The following ULK4 variants were observed in gnomAD, a reference collection of about 807,000 sequenced individuals.
ULK4 encodes the protein inactive serine/threonine-protein kinase ULK4.
A neutral mutation model predicts 160.6 loss-of-function variants in ULK4; 133 were observed. The ratio of observed to expected loss-of-function variants is 0.83; its 90% CI spans 0.72 to 0.96. ULK4 has a LOEUF of 0.96. ULK4 is among the 40% of genes least tolerant of loss of function. The pLI is 0.00. For missense variants in ULK4, 1,580 were observed against 1,499.5 expected (o/e 1.05, Z -0.89); for synonymous variants, 534 against 539.8 (o/e 0.99, Z 0.15).
chr3:41,748,546 C>A (rs1388355075), intron 22 of ULK4, among the ~76,000 whole-genome samples: 2 of 151,912 alleles, frequency 1.3e-5, no homozygotes, highest in African/African-American at 4.8e-5. Context: ...TTTTAAAGAC[C>A]ACTTCATTTT....
At chr3:41,850,184 G>A (rs2042174938) in intron 17 of ULK4, among the ~76,000 whole-genome samples, 1 of 152,118 alleles carries the variant, frequency 6.6e-6, no homozygotes. Context: ...GTGTATATGT[G>A]CCACATTTTC....
rs1009909980 is a variant in ULK4, at chr3:41,256,852, T to G, written c.3679-7278A>C. On this transcript the variant is annotated intron_variant, in intron 35 of 36. Transcript: ENST00000301831. ...AGGACTTATATCAAGAACATAAAAG[T>G]AACTCTTTAAAAATATTATTTTTAG... is the stretch of plus-strand genomic sequence containing the variant. Among the ~76,000 whole-genome samples, 8 of 152,304 alleles carry G rather than the reference T, an allele frequency of 5.3e-5. No individual in the cohort carries two copies. The East Asian group carries it at 1.5e-3, about 29-fold the overall frequency.
At chr3:41,883,171 G>A (rs1697585788) in intron 17 of ULK4, among the ~76,000 whole-genome samples, 1 of 152,158 alleles carries the variant, frequency 6.6e-6, no homozygotes, top group South Asian at 2.1e-4. Context: ...GCAGTGAACA[G>A]CACAGAGAGA....
intron 35 of ULK4, among the ~76,000 whole-genome samples, chr3:41,311,008 T>TA (rs1438519700): frequency 6.7e-6 from 1 of 149,954 alleles, no homozygotes; most frequent in African/African-American, 2.5e-5. Context: ...AAAATAATAA[T>TA]AATAAATAAA....
intron 34 of ULK4, among the ~76,000 whole-genome samples, chr3:41,436,078 C>T (rs1277110118): frequency 1.3e-5 from 2 of 152,178 alleles, no homozygotes; most frequent in Non-Finnish European, 2.9e-5. Flanking sequence ...AGAAACAGTA[C>T]TTTGGGTACC....
At chr3:41,361,666 T>C (rs942712162) in intron 35 of ULK4, among the ~76,000 whole-genome samples, 3 of 152,198 alleles carry the variant, frequency 2.0e-5, no homozygotes, top group Non-Finnish European at 4.4e-5. Context: ...AGCATTTTAT[T>C]GGGTGGTGGT....
In ULK4 at chr3:41,490,812, G is replaced by C. The variant is rs189776511; in HGVS notation, c.3227-27559C>G. Reference sequence around the variant, plus strand: ...CAAGTAAATTAACTGGGATAAGAGAGACTATAAGATAACACTACTGGTGCT... The same window carrying C: ...CAAGTAAATTAACTGGGATAAGAGACACTATAAGATAACACTACTGGTGCT... On this transcript the variant is annotated intron_variant, in intron 32 of 36. Coordinates refer to ENST00000301831, the MANE Select transcript of ULK4 (RefSeq NM_017886.4). Among the ~76,000 whole-genome samples, 94 of 152,278 alleles carry C rather than the reference G, an allele frequency of 6.2e-4. 1 individual carries two copies. The highest frequency in any genetic ancestry group is 3.4e-3 in the Middle Eastern group (1 of 294).
intron 21 of ULK4, among the ~76,000 whole-genome samples, chr3:41,757,152 G>A (rs1367631020): frequency 6.6e-6 from 1 of 152,044 alleles, no homozygotes; most frequent in African/African-American, 2.4e-5. Context: ...AACTAAGAAA[G>A]TAAGAGTCCT....
At chr3:41,703,462 C>G (rs1352911103) in intron 27 of ULK4, among the ~76,000 whole-genome samples, 1 of 151,646 alleles carries the variant, frequency 6.6e-6, no homozygotes, top group Admixed American at 6.6e-5. Context: ...AATATTTTAA[C>G]CAGAAGATTA....
intron 32 of ULK4, among the ~76,000 whole-genome samples, chr3:41,558,448 T>C (rs1467387138): frequency 6.6e-6 from 1 of 152,108 alleles, no homozygotes; most frequent in East Asian, 1.9e-4. Flanking sequence ...CTCATGCCTG[T>C]AGTCCCAGCA....
chr3:41,530,492 C>A (rs1467741112), intron 32 of ULK4, among the ~76,000 whole-genome samples: 1 of 152,106 alleles, frequency 6.6e-6, no homozygotes, highest in Non-Finnish European at 1.5e-5. Context: ...CATCTAGAAC[C>A]AAACAGAACT....
chr3:41,378,055 T>G (rs2125791170), intron 35 of ULK4, among the ~76,000 whole-genome samples: 1 of 151,786 alleles, frequency 6.6e-6, no homozygotes, highest in African/African-American at 2.4e-5. Flanking sequence ...TAAAAAAGGA[T>G]GAGTTCATGT....
chr3:41,734,986 G>A (rs570352125), intron 22 of ULK4, among the ~76,000 whole-genome samples: 4 of 152,268 alleles, frequency 2.6e-5, no homozygotes, highest in South Asian at 2.1e-4. Flanking sequence ...CTGATGGGAC[G>A]ACATGAGGTT....
At position 41,918,552 on chromosome 3, in the gene ULK4, T is replaced by A. The variant is rs755055360; in HGVS notation, c.644-12A>T. 6.9e-7 allele frequency: 1 copy of A among 1,458,412 alleles called. No individual in the cohort carries two copies. Among genetic ancestry groups the A allele is most frequent in the Admixed American group, 2.3e-5 (1 of 44,254 alleles). The allele number at this position is 1,458,412 out of a possible 1,614,324, so 90.3% of individuals were successfully genotyped here. ...GAATGGAGGTTTTCCTGAAATCACA[T>A]GAAAACTTGCAAAATGAAAGAAGTC... On this transcript the variant is annotated splice_polypyrimidine_tract_variant and intron_variant, in intron 6 of 36. Transcript: ENST00000301831.
At chr3:41,658,879 A>C (rs190515515) in intron 30 of ULK4, among the ~76,000 whole-genome samples, 2 of 152,140 alleles carry the variant, frequency 1.3e-5, no homozygotes, top group East Asian at 1.9e-4. Flanking sequence ...TTTAAAATTA[A>C]AATGAAATAT....
intron 8 of ULK4, 163 bp from the exon 9 acceptor site, chr3:41,913,062 T>C (rs1357859908): frequency 4.8e-5 from 28 of 585,064 alleles, no homozygotes; most frequent in Non-Finnish European, 6.8e-5. Flanking sequence ...TTAACCTCTT[T>C]TAGACAGCAA....
At chr3:41,692,635 T>G (rs1030101530) in intron 27 of ULK4, among the ~76,000 whole-genome samples, 2 of 152,120 alleles carry the variant, frequency 1.3e-5, no homozygotes, top group African/African-American at 4.8e-5. Flanking sequence ...TAAAATTCTA[T>G]CAGTCATTAT....
chr3:41,716,474 G>T (rs1489146529), intron 23 of ULK4, among the ~76,000 whole-genome samples: 1 of 152,068 alleles, frequency 6.6e-6, no homozygotes, highest in African/African-American at 2.4e-5. Flanking sequence ...ATAGCCTTCA[G>T]GTTTGAGGTA....
chr3:41,626,322 T>C (rs1013353766), intron 30 of ULK4, among the ~76,000 whole-genome samples: 2 of 152,214 alleles, frequency 1.3e-5, no homozygotes, highest in Admixed American at 6.5e-5. Flanking sequence ...CAATACACAA[T>C]ATTTTAAATG....
Sources: allele counts gnomAD v4.1 joint callset (sites outside exome capture counted in the v4.1 genomes callset), GRCh38; gene constraint gnomAD v4.1.1; transcripts MANE v1.5; gene names NCBI Gene and HGNC (gene_info 2026-07-23, HGNC 2026-07-21).